The following LRP1B variants were observed in gnomAD, a reference collection of about 807,000 sequenced individuals.
LRP1B encodes the protein LDL receptor related protein 1B, also known as low-density lipoprotein receptor-related protein 1B.
A neutral mutation model predicts 556.6 loss-of-function variants in LRP1B; 217 were observed. The observed-to-expected ratio is 0.39, with a 90% confidence interval of 0.35 to 0.44. LRP1B has a LOEUF of 0.44. Ranked by LOEUF, LRP1B falls within the 20% of genes least tolerant of loss-of-function variation. The pLI, the probability that LRP1B is intolerant of heterozygous loss-of-function variation, is 1.00. For missense variants in LRP1B, 5,053 were observed against 5,620.8 expected (o/e 0.90, Z 3.23); for synonymous variants, 2,047 against 1,865.8 (o/e 1.10, Z -2.50).
chr2:140,712,440 T>A lies in LRP1B; in HGVS notation c.6023+3533A>T, dbSNP rs557456244. 7.0e-4 allele frequency among the ~76,000 whole-genome samples: 106 copies of A among 152,178 alleles called. 1 individual carries two copies. The highest frequency in any genetic ancestry group is 6.8e-3 in the Middle Eastern group (2 of 294). ...ACAAATCTTGCCTCCCTGCTTTCTG[T>A]CTGTGATTCCTCCTGCTCTGCCCTA... On this transcript the variant is annotated intron_variant, in intron 37 of 90. Transcript: ENST00000389484.
chr2:141,447,798 A>G (rs1681252946), intron 3 of LRP1B, among the ~76,000 whole-genome samples: 1 of 152,146 alleles, frequency 6.6e-6, no homozygotes, highest in East Asian at 1.9e-4. Flanking sequence ...TTTGTCCCAG[A>G]AGGCCAACTG....
At chr2:140,239,241 C>A (rs1680843280) in intron 88 of LRP1B, among the ~76,000 whole-genome samples, 1 of 150,842 alleles carries the variant, frequency 6.6e-6, no homozygotes, top group African/African-American at 2.4e-5. Flanking sequence ...ATACATGGAC[C>A]ATTCCCTTAA....
intron 2 of LRP1B, among the ~76,000 whole-genome samples, chr2:141,696,777 T>C (rs890407367): frequency 5.3e-5 from 8 of 151,986 alleles, no homozygotes; most frequent in African/African-American, 1.9e-4. Context: ...TATGTAGAAG[T>C]TGGCTTGGTG....
chr2:140,700,419 G>A lies in LRP1B; in HGVS notation c.6630C>T (p.Ser2210=), dbSNP rs2105420685. Residue 2210 remains serine, a synonymous_variant, in exon 41 of 91, where the codon TCC becomes TCT. Transcript: ENST00000389484. ...IHLSDETNLN[S]PIRPYENPRY... is the part of the protein sequence containing the mutation. The stretch of plus-strand genomic sequence containing the variant: ...GTGGATTCTCATATGGCCTTATTGG[G>A]GAATTTAAATTGGTTTCATCAGAAA... 1 of 1,613,274 alleles carries A rather than the reference G, an allele frequency of 6.2e-7. No homozygotes were observed. The highest frequency in any genetic ancestry group is 8.5e-7 in the Non-Finnish European group (1 of 1,179,494).
At chr2:141,704,765 C>T (rs1311115221) in intron 2 of LRP1B, among the ~76,000 whole-genome samples, 1 of 151,884 alleles carries the variant, frequency 6.6e-6, no homozygotes, top group Non-Finnish European at 1.5e-5. Flanking sequence ...TCCAAGGATC[C>T]GCCCATATCT....
At chr2:141,571,100 G>A (rs1423552150) in intron 2 of LRP1B, among the ~76,000 whole-genome samples, 1 of 151,250 alleles carries the variant, frequency 6.6e-6, no homozygotes, top group Non-Finnish European at 1.5e-5. Context: ...CCACCCAACT[G>A]GGTGAGACGC....
Position 142,069,146 on chromosome 2 carries a change from T to C in LRP1B, c.82+61502A>G, listed in dbSNP as rs541322292. Among the ~76,000 whole-genome samples, 4 of 151,678 alleles carry C rather than the reference T, an allele frequency of 2.6e-5. No individual in the cohort carries two copies. In the East Asian group the frequency reaches 7.8e-4, roughly 30 times the overall value. On this transcript the variant is annotated intron_variant, in intron 1 of 90. Coordinates refer to ENST00000389484, the MANE Select transcript of LRP1B (RefSeq NM_018557.3). ...TGGTTCACTTAAGTGAAATTTGTGT[T>C]TGTATGCACACAGGAGTATGACTGA...
intron 18 of LRP1B, among the ~76,000 whole-genome samples, chr2:140,955,505 A>C (rs1695846005): frequency 6.6e-6 from 1 of 151,868 alleles, no homozygotes; most frequent in African/African-American, 2.4e-5. Context: ...AATTATGAAC[A>C]AAAATGGCTT....
chr2:141,479,656 A>G (rs1682842815), intron 3 of LRP1B, among the ~76,000 whole-genome samples: 1 of 152,098 alleles, frequency 6.6e-6, no homozygotes, highest in Admixed American at 6.6e-5. Flanking sequence ...AGCCTGATTC[A>G]CTTGACTGAT....
chr2:141,717,685 C>T lies in LRP1B; in HGVS notation c.205+92594G>A, dbSNP rs1204357562. ...CAACGCACTTACCCCAGTCATGGGACATTTGTTCAGTTTGATTTTCTTCTG... is the reference window on the plus strand; with the variant it reads ...CAACGCACTTACCCCAGTCATGGGATATTTGTTCAGTTTGATTTTCTTCTG... On this transcript the variant is annotated intron_variant, in intron 2 of 90. Coordinates refer to ENST00000389484, the MANE Select transcript of LRP1B (RefSeq NM_018557.3). 2.6e-5 allele frequency among the ~76,000 whole-genome samples: 4 copies of T among 152,164 alleles called. No individual in the cohort carries two copies. In the South Asian group the frequency reaches 8.3e-4, roughly 32 times the overall value.
intron 18 of LRP1B, among the ~76,000 whole-genome samples, chr2:140,963,896 G>A (rs906911076): frequency 2.6e-5 from 4 of 152,284 alleles, no homozygotes; most frequent in African/African-American, 7.2e-5. Flanking sequence ...CCCTGTGTGC[G>A]GCGACGAGAG....
intron 6 of LRP1B, among the ~76,000 whole-genome samples, chr2:141,222,735 T>A (rs1036528619): frequency 1.3e-5 from 2 of 152,144 alleles, no homozygotes; most frequent in Non-Finnish European, 2.9e-5. Context: ...TGGTTGAACA[T>A]ATGCAAATCA....
chr2:142,038,938 G>A (rs1703974672), intron 1 of LRP1B, among the ~76,000 whole-genome samples: 1 of 151,354 alleles, frequency 6.6e-6, no homozygotes, highest in African/African-American at 2.4e-5. Context: ...TATTTTCCTT[G>A]CTCATGTTTT....
At chr2:140,480,332 G>T (rs888951777) in intron 59 of LRP1B, among the ~76,000 whole-genome samples, 1 of 152,144 alleles carries the variant, frequency 6.6e-6, no homozygotes, top group Non-Finnish European at 1.5e-5. Context: ...AAATTTATTT[G>T]CATTGTCATT....
intron 15 of LRP1B, among the ~76,000 whole-genome samples, chr2:140,998,865 T>C (rs1697329896): frequency 6.6e-6 from 1 of 152,072 alleles, no homozygotes; most frequent in African/African-American, 2.4e-5. Context: ...TGCAACTTTG[T>C]TTTGCTTGTT....
intron 2 of LRP1B, among the ~76,000 whole-genome samples, chr2:141,568,227 A>G (rs1398620013): frequency 6.6e-6 from 1 of 151,184 alleles, no homozygotes; most frequent in Non-Finnish European, 1.5e-5. Context: ...TCACAATGTC[A>G]TAGGACTTAA....
chr2:141,185,691 A>AAC (rs1309611544), intron 7 of LRP1B, among the ~76,000 whole-genome samples: 6 of 147,058 alleles, frequency 4.1e-5, no homozygotes, highest in African/African-American at 1.5e-4. Flanking sequence ...AACAAACAAA[A>AAC]AAAAACAAAA....
intron 77 of LRP1B, among the ~76,000 whole-genome samples, chr2:140,343,211 A>G (rs1681483649): frequency 6.6e-6 from 1 of 151,700 alleles, no homozygotes; most frequent in Non-Finnish European, 1.5e-5. Context: ...GAAAATACAC[A>G]TCAAAAACAA....
At chr2:140,316,974 A>T (rs1684551279) in intron 82 of LRP1B, among the ~76,000 whole-genome samples, 2 of 152,100 alleles carry the variant, frequency 1.3e-5, no homozygotes, top group African/African-American at 4.8e-5. Context: ...CTTATTCAGC[A>T]TTATCGACCG....
Sources: allele counts gnomAD v4.1 joint callset (sites outside exome capture counted in the v4.1 genomes callset), GRCh38; gene constraint gnomAD v4.1.1; transcripts MANE v1.5; gene names NCBI Gene and HGNC (gene_info 2026-07-23, HGNC 2026-07-21).